Variants in NSUN4 observed in about 807,000 individuals in gnomAD.
The protein encoded by NSUN4 is 5-cytosine rRNA methyltransferase NSUN4.
In NSUN4, 31 loss-of-function variants were observed where a neutral mutation model predicts 43.8. That is an observed-to-expected ratio of 0.71 (90% CI 0.53 to 0.96). NSUN4 has a LOEUF of 0.96. Among genes scored for constraint, NSUN4 ranks in the 40% least tolerant of loss-of-function variants. The pLI is 0.00. For missense variants in NSUN4, 439 were observed against 475.6 expected (o/e 0.92, Z 0.72); for synonymous variants, 167 against 184.1 (o/e 0.91, Z 0.75).
At chr1:46,341,942 C>A in intron 1 of NSUN4, 1 of 1,232,892 alleles carries the variant, frequency 8.1e-7, no homozygotes, top group Non-Finnish European at 1.0e-6. Flanking sequence ...GCCCGGCAAC[C>A]TCCTTTCCCC....
At chr1:46,380,341 C>G in the NSUN4 span, among the ~76,000 whole-genome samples, 440 of 152,334 alleles carry the variant, frequency 2.9e-3, 1 homozygote, top group African/African-American at 9.8e-3. Context: ...GTAACTCTTG[C>G]ATGAATGACC....
chr1:46,377,176 A>C, the NSUN4 span, among the ~76,000 whole-genome samples: 1 of 151,628 alleles, frequency 6.6e-6, no homozygotes, highest in Non-Finnish European at 1.5e-5. Flanking sequence ...CAGCCTCCAG[A>C]GTAGCTGGGA....
At chr1:46,381,443 C>T in the NSUN4 span, among the ~76,000 whole-genome samples, 1 of 152,306 alleles carries the variant, frequency 6.6e-6, no homozygotes, top group East Asian at 1.9e-4. Context: ...CCTCCAAACC[C>T]ACTCCTAACC....
chr1:46,355,198 C>A (rs1255228510), intron 4 of NSUN4, among the ~76,000 whole-genome samples: 1 of 152,158 alleles, frequency 6.6e-6, no homozygotes, highest in Non-Finnish European at 1.5e-5. Context: ...TAGTATAGTA[C>A]CTGGCGGTGA....
chr1:46,372,423 G>A, the NSUN4 span, among the ~76,000 whole-genome samples: 5 of 152,078 alleles, frequency 3.3e-5, no homozygotes, highest in Non-Finnish European at 5.9e-5. Flanking sequence ...GGTTACAGGC[G>A]TGAGCCACTG....
intron 3 of NSUN4, among the ~76,000 whole-genome samples, chr1:46,352,278 G>C (rs147712895): frequency 0.22 from 33,881 of 151,518 alleles, 4,208 homozygotes; most frequent in Non-Finnish European, 0.29. Context: ...ATGGTGAAAT[G>C]CTGTCTCTAC....
At chr1:46,342,218 C>T in intron 1 of NSUN4, 1 of 399,748 alleles carries the variant, frequency 2.5e-6, no homozygotes, top group Non-Finnish European at 4.4e-6. Context: ...ACCCCCTTCT[C>T]TCCCCAGCAT....
rs1240539714 is a variant in NSUN4, at chr1:46,360,228, C to CAAAA, written c.754-457_754-454dup. Among the ~76,000 whole-genome samples, 19 of 35,010 alleles carry CAAAA rather than the reference C, an allele frequency of 5.4e-4. 1 individual carries two copies. The highest frequency in any genetic ancestry group is 2.2e-3 in the African/African-American group (13 of 5,858). 23.0% of individuals were successfully genotyped at this position (35,010 alleles called of 152,430 possible). On this transcript the variant is annotated intron_variant, in intron 4 of 5. Transcript: ENST00000474844. Reference sequence around the variant, plus strand: ...TGGGCGACAGAGCAAGACTCCATCTCAAAAAAAAAAAAAAAAAAAAAATAT... The same window carrying CAAAA: ...TGGGCGACAGAGCAAGACTCCATCTCAAAAAAAAAAAAAAAAAAAAAAAAAATAT...
At chr1:46,382,381 C>T in the NSUN4 span, among the ~76,000 whole-genome samples, 1 of 152,190 alleles carries the variant, frequency 6.6e-6, no homozygotes, top group Non-Finnish European at 1.5e-5. Flanking sequence ...TAAACTTTTA[C>T]GACCCATTCC....
the NSUN4 span, among the ~76,000 whole-genome samples, chr1:46,382,930 G>C: frequency 6.6e-6 from 1 of 152,322 alleles, no homozygotes; most frequent in Admixed American, 6.5e-5. Context: ...AAGTTGTTGG[G>C]AGAACAACTG....
At position 46,353,194 on chromosome 1, in the gene NSUN4, A is replaced by G. The variant is rs190873198; in HGVS notation, c.753+166A>G. Reference sequence around the variant, plus strand: ...ATTTGACCAAAAGAAAAATCAGCTTAGATGACTGGTTATTATCTCTATTAA... The same window carrying G: ...ATTTGACCAAAAGAAAAATCAGCTTGGATGACTGGTTATTATCTCTATTAA... On this transcript the variant is annotated intron_variant, in intron 4 of 5. Coordinates refer to ENST00000474844, the MANE Select transcript of NSUN4 (RefSeq NM_199044.4). Among the ~76,000 whole-genome samples, 19 of 152,368 alleles carry G rather than the reference A, an allele frequency of 1.2e-4. No individual in the cohort carries two copies. In the East Asian group the frequency reaches 3.3e-3, roughly 26 times the overall value.
intron 1 of NSUN4, chr1:46,341,261 T>G: frequency 6.4e-6 from 2 of 312,598 alleles, no homozygotes; most frequent in Non-Finnish European, 7.7e-6. Flanking sequence ...CTCCCTCCCC[T>G]CCCCCTTTCC....
chr1:46,352,170 G>A (rs925543458), intron 3 of NSUN4, among the ~76,000 whole-genome samples: 2 of 149,986 alleles, frequency 1.3e-5, no homozygotes, highest in Non-Finnish European at 3.0e-5. Flanking sequence ...AAAGAATGTG[G>A]CTGGGTGCAG....
the NSUN4 span, among the ~76,000 whole-genome samples, chr1:46,378,443 C>T: frequency 0.21 from 31,504 of 152,052 alleles, 3,996 homozygotes; most frequent in Non-Finnish European, 0.29. Flanking sequence ...GTGATCCTCC[C>T]GCCTTGGCCT....
chr1:46,376,489 A>T, the NSUN4 span, among the ~76,000 whole-genome samples: 1 of 152,170 alleles, frequency 6.6e-6, no homozygotes. Context: ...GAAATGGACA[A>T]ATTACTTGAA....
intron 4 of NSUN4, among the ~76,000 whole-genome samples, chr1:46,358,893 C>G (rs1407157271): frequency 2.6e-5 from 4 of 152,160 alleles, no homozygotes; most frequent in Non-Finnish European, 1.5e-5. Flanking sequence ...TTCGTCTACT[C>G]TTTCTCCCCT....
downstream of NSUN4, among the ~76,000 whole-genome samples, chr1:46,366,385 T>C (rs1457737226): frequency 1.3e-5 from 2 of 152,178 alleles, no homozygotes; most frequent in Non-Finnish European, 2.9e-5. Context: ...AGTTAGATTA[T>C]TGTTAAGGCT....
At chr1:46,378,336 T>G in the NSUN4 span, among the ~76,000 whole-genome samples, 2 of 152,114 alleles carry the variant, frequency 1.3e-5, no homozygotes, top group African/African-American at 2.4e-5. Flanking sequence ...TAGCTGGGAC[T>G]ACAGGTGTGT....
At chr1:46,367,959 T>C (rs1399000409), downstream of NSUN4, among the ~76,000 whole-genome samples, 1 of 152,104 alleles carries the variant, frequency 6.6e-6, no homozygotes, top group East Asian at 1.9e-4. Context: ...GAGATGGGGT[T>C]TCGCCATGTT....
Sources: gnomAD v4.1 joint callset for allele counts (sites outside exome capture counted in the v4.1 genomes callset) on GRCh38, gnomAD v4.1.1 for gene constraint, MANE v1.5 for transcripts, NCBI Gene and HGNC (gene_info 2026-07-23, HGNC 2026-07-21) for gene names.